Variants in MVB12B observed in about 807,000 individuals in gnomAD.
MVB12B encodes ESCRT-I complex subunit MVB12B.
Under a neutral mutation model 41.6 loss-of-function variants are expected in MVB12B, and 16 were observed. That is an observed-to-expected ratio of 0.38 (90% CI 0.26 to 0.58). The LOEUF (loss-of-function observed/expected upper bound fraction) is 0.58, where lower values mean the gene tolerates loss of function less well. MVB12B is among the 20% of genes least tolerant of loss of function. The pLI, the probability that MVB12B is intolerant of heterozygous loss-of-function variation, is 0.62. For synonymous variants in MVB12B, 133 were observed against 139.7 expected (o/e 0.95, Z 0.34); for missense variants, 274 against 380.2 (o/e 0.72, Z 2.32).
intron 6 of MVB12B, among the ~76,000 whole-genome samples, chr9:126,421,573 T>C (rs1832020858): frequency 6.6e-6 from 1 of 152,190 alleles, no homozygotes; most frequent in African/African-American, 2.4e-5. Flanking sequence ...GTAGAGTCCC[T>C]TGGGCCCGCT....
At chr9:126,420,806 G>C (rs1036826345) in intron 6 of MVB12B, among the ~76,000 whole-genome samples, 22 of 152,036 alleles carry the variant, frequency 1.4e-4, no homozygotes, top group African/African-American at 5.1e-4. Context: ...GCCTCCCAGA[G>C]TGCTGGGATT....
At chr9:126,488,139 G>A (rs1833658478) in intron 9 of MVB12B, among the ~76,000 whole-genome samples, 1 of 152,118 alleles carries the variant, frequency 6.6e-6, no homozygotes, top group Non-Finnish European at 1.5e-5. Context: ...GTGGTGCCTG[G>A]AGCCAGAACG....
chr9:126,420,457 A>G (rs1188996777), intron 6 of MVB12B, among the ~76,000 whole-genome samples: 1 of 151,478 alleles, frequency 6.6e-6, no homozygotes, highest in Non-Finnish European at 1.5e-5. Flanking sequence ...ATACCTTCAC[A>G]GCCCTTGGTG....
chr9:126,499,802 T>C (rs1293985401), intron 9 of MVB12B, among the ~76,000 whole-genome samples: 1 of 152,192 alleles, frequency 6.6e-6, no homozygotes, highest in Non-Finnish European at 1.5e-5. Context: ...GGGCGCAATC[T>C]GTGCGCCCTC....
In MVB12B at chr9:126,453,458, T is replaced by C. The variant is rs967710242; in HGVS notation, c.758-27911T>C. Among the ~76,000 whole-genome samples the C allele has an allele frequency of 2.6e-5, 4 of 152,322 alleles. No individual in the cohort carries two copies. In the South Asian group the frequency reaches 6.2e-4, roughly 24 times the overall value. On this transcript the variant is annotated intron_variant, in intron 7 of 9. Coordinates refer to ENST00000361171, the MANE Select transcript of MVB12B (RefSeq NM_033446.3). ...CCTTCTCAAGTATGGAGTTTTGTTTTCATACCTGAGGTTGGAGGTCCTAGT... is the reference window on the plus strand; with the variant it reads ...CCTTCTCAAGTATGGAGTTTTGTTTCCATACCTGAGGTTGGAGGTCCTAGT...
intron 7 of MVB12B, among the ~76,000 whole-genome samples, chr9:126,425,842 A>G (rs1832161118): frequency 6.6e-6 from 1 of 152,286 alleles, no homozygotes; most frequent in South Asian, 2.1e-4. Flanking sequence ...CCCTAAAAGG[A>G]TAAAATGATG....
chr9:126,411,585 A>C (rs1284242138), intron 6 of MVB12B, among the ~76,000 whole-genome samples: 1 of 152,230 alleles, frequency 6.6e-6, no homozygotes, highest in African/African-American at 2.4e-5. Context: ...TAGAGGAAAT[A>C]GGTCTCTTTT....
In MVB12B at chr9:126,327,441, C is replaced by T. The variant is rs563985144; in HGVS notation, c.81+431C>T. On this transcript the variant is annotated intron_variant, in intron 1 of 9. Coordinates refer to ENST00000361171, the MANE Select transcript of MVB12B (RefSeq NM_033446.3). ...GTGGGTGCAGACCAACGTGCACCTG[C>T]CCCAGGAGCATCACTGCCTCTGTGA... 59 of 517,784 alleles carry T rather than the reference C, an allele frequency of 1.1e-4. 1 individual carries two copies. In the South Asian group the frequency reaches 3.5e-3, roughly 31 times the overall value. 32.1% of individuals were successfully genotyped at this position (517,784 alleles called of 1,614,324 possible).
At chr9:126,352,210 C>T (rs1040982262) in intron 2 of MVB12B, among the ~76,000 whole-genome samples, 1 of 152,016 alleles carries the variant, frequency 6.6e-6, no homozygotes, top group Non-Finnish European at 1.5e-5. Flanking sequence ...TTTTTGTATA[C>T]TGTCTGTCTG....
intron 7 of MVB12B, among the ~76,000 whole-genome samples, chr9:126,457,748 T>C (rs1833012366): frequency 6.6e-6 from 1 of 152,120 alleles, no homozygotes; most frequent in Non-Finnish European, 1.5e-5. Context: ...GTCGTTCTAC[T>C]GAGGGAGAAC....
chr9:126,425,761 A>G (rs1042800982), intron 7 of MVB12B, among the ~76,000 whole-genome samples: 14 of 151,976 alleles, frequency 9.2e-5, no homozygotes, highest in African/African-American at 3.4e-4. Context: ...TGCTCCAGCC[A>G]CCTCCCTGCC....
chr9:126,401,029 C>T (rs1831254029), intron 6 of MVB12B, among the ~76,000 whole-genome samples: 1 of 152,156 alleles, frequency 6.6e-6, no homozygotes, highest in African/African-American at 2.4e-5. Context: ...GTAGCCTCAC[C>T]CCACCCTTCC....
In MVB12B at chr9:126,478,910, A is replaced by AT. The variant is rs1833470509; in HGVS notation, c.758-2459_758-2458insT. Among the ~76,000 whole-genome samples the AT allele has an allele frequency of 6.6e-6, 1 of 152,122 alleles. No homozygotes were observed. Among genetic ancestry groups the AT allele is most frequent in the African/African-American group, 2.4e-5 (1 of 41,424 alleles). ...GAGAGGCAGTTCTTCACTCCCAAAT[A>AT]CTAATAAGGTCTTTAAAACATCAGA... On this transcript the variant is annotated intron_variant, in intron 7 of 9. Coordinates refer to ENST00000361171, the MANE Select transcript of MVB12B (RefSeq NM_033446.3). This position sits in a 1 kb window ranked among gnomAD's most constrained non-coding sequence, Gnocchi z 4.2.
chr9:126,434,422 G>A (rs988446663), intron 7 of MVB12B, among the ~76,000 whole-genome samples: 3 of 152,106 alleles, frequency 2.0e-5, no homozygotes, highest in African/African-American at 4.8e-5. Flanking sequence ...AGTTTCTTAC[G>A]CCTGACTTGT....
At chr9:126,380,969 T>A (rs1197810726) in intron 2 of MVB12B, 95 bp from the exon 3 acceptor site, 1 of 841,480 alleles carries the variant, frequency 1.2e-6, no homozygotes, top group Non-Finnish European at 2.0e-6. Context: ...CCCAAGCTGG[T>A]GTTAATTGGA....
At chr9:126,444,730 TTAAATC>T (rs1205086349) in intron 7 of MVB12B, among the ~76,000 whole-genome samples, 2 of 152,212 alleles carry the variant, frequency 1.3e-5, no homozygotes, top group African/African-American at 4.8e-5. Context: ...TTTTTAACAT[TTAAATC>T]TAAAGTTCTG....
Position 126,506,366 on chromosome 9 carries a change from A to G in MVB12B, c.*3103A>G, listed in dbSNP as rs1051818929. ...AGAGTTGAAGAGGCTGACTTGGCCC[A>G]CTGCTAAGCGGCAGAGGCAGGGCCA... On this transcript the variant is annotated 3_prime_UTR_variant, in exon 10 of 10. Coordinates refer to ENST00000361171, the MANE Select transcript of MVB12B (RefSeq NM_033446.3). The G allele has an allele frequency of 6.6e-6, 1 of 152,530 alleles. No individual in the cohort carries two copies. Among genetic ancestry groups the G allele is most frequent in the Non-Finnish European group, 1.5e-5 (1 of 68,036 alleles). 9.4% of individuals were successfully genotyped at this position (152,530 alleles called of 1,614,324 possible). A position where few individuals can be genotyped will look rare whatever the true frequency, so the allele number is the denominator to read the frequency against.
At chr9:126,332,998 T>TG (rs1443367185) in intron 1 of MVB12B, among the ~76,000 whole-genome samples, 1 of 152,242 alleles carries the variant, frequency 6.6e-6, no homozygotes, top group Non-Finnish European at 1.5e-5. Flanking sequence ...ACTACGTGCT[T>TG]GCATGATGTC....
chr9:126,403,021 T>C (rs1831311637), intron 6 of MVB12B, among the ~76,000 whole-genome samples: 1 of 152,154 alleles, frequency 6.6e-6, no homozygotes, highest in Non-Finnish European at 1.5e-5. Context: ...GAACACTAAA[T>C]CAAAGATGGA....
Sources: allele counts gnomAD v4.1 joint callset (sites outside exome capture counted in the v4.1 genomes callset), GRCh38; gene constraint gnomAD v4.1.1; non-coding constraint Gnocchi (gnomAD v3.1); transcripts MANE v1.5; gene names NCBI Gene and HGNC (gene_info 2026-07-23, HGNC 2026-07-21).